SLMAP: variants seen among roughly 807,000 people sequenced by gnomAD.
SLMAP encodes the protein sarcolemma associated protein, also known as sarcolemmal membrane-associated protein.
In SLMAP, 44 loss-of-function variants were observed where a neutral mutation model predicts 128.8. That is an observed-to-expected ratio of 0.34 (90% CI 0.27 to 0.44). SLMAP has a LOEUF of 0.44. Ranked by LOEUF, SLMAP falls within the 20% of genes least tolerant of loss-of-function variation. The pLI is 1.00. For missense variants in SLMAP, 787 were observed against 985.3 expected, an observed-to-expected ratio of 0.80 and a Z score of 2.69; for synonymous variants, 327 against 348.8, an observed-to-expected ratio of 0.94 and a Z score of 0.70.
At chr3:57,818,627 A>G (rs1267718102) in intron 2 of SLMAP, among the ~76,000 whole-genome samples, 1 of 152,230 alleles carries the variant, frequency 6.6e-6, no homozygotes, top group Non-Finnish European at 1.5e-5. Context: ...TTGTCACTGT[A>G]GAATAATTTT....
intron 17 of SLMAP, chr3:57,901,115 A>G (rs1026343604): frequency 5.3e-5 from 8 of 152,222 alleles, no homozygotes; most frequent in African/African-American, 1.2e-4. Context: ...AGTTATACCT[A>G]TTTGGCTGAA....
Position 57,864,568 on chromosome 3 carries a change from G to T in SLMAP, c.987G>T (p.Glu329Asp). Residue 329 changes from glutamate (E) to aspartate (D), a missense_variant, in exon 11 of 25, where the codon GAG (glutamate) becomes GAT (aspartate). Physicochemically the swap from Glu to Asp is conservative, Grantham distance 45. Coordinates refer to ENST00000671191, the MANE Select transcript of SLMAP (RefSeq NM_001377540.1). The stretch of plus-strand genomic sequence containing the variant: ...TCTAGGTAGCAGAGGGAAAACAAGA[G>T]GAAATCCAACAGAAGGGACAGGCTG... Reference protein sequence around the residue: ...DKLKVAEGKQEEIQQKGQAEK... With the variant: ...DKLKVAEGKQDEIQQKGQAEK... The T allele has an allele frequency of 6.4e-7, 1 of 1,571,990 alleles. No homozygotes were observed. Among genetic ancestry groups the T allele is most frequent in the Non-Finnish European group, 8.6e-7 (1 of 1,168,726 alleles).
intron 15 of SLMAP, among the ~76,000 whole-genome samples, chr3:57,892,807 C>CAT (rs2096120691): frequency 1.3e-5 from 2 of 148,336 alleles, no homozygotes; most frequent in East Asian, 4.0e-4. Context: ...CACACACACA[C>CAT]ACATACACAC....
chr3:57,915,168 G>A (rs923346545), intron 21 of SLMAP, among the ~76,000 whole-genome samples: 46 of 152,254 alleles, frequency 3.0e-4, no homozygotes, highest in African/African-American at 1.1e-3. Flanking sequence ...GCCCTCGGCC[G>A]AAAGTATTGA....
intron 14 of SLMAP, among the ~76,000 whole-genome samples, chr3:57,877,019 G>A (rs2095619694): frequency 6.6e-6 from 1 of 152,004 alleles, no homozygotes; most frequent in Admixed American, 6.6e-5. Flanking sequence ...CCCTGAAGTA[G>A]ACCTCATGCC....
In SLMAP at chr3:57,927,457, C is replaced by A; in HGVS notation, c.*168C>A. 2 of 902,228 alleles carry A rather than the reference C, an allele frequency of 2.2e-6. No individual in the cohort carries two copies. The highest frequency in any genetic ancestry group is 1.7e-6 in the Non-Finnish European group (1 of 585,900). 55.9% of individuals were successfully genotyped at this position (902,228 alleles called of 1,614,324 possible). ...GCATCACACTCATGCTGGGGACAAA[C>A]AGAACCATTTTCTTCCTCTTTACCT... On this transcript the variant is annotated 3_prime_UTR_variant, in exon 25 of 25. Transcript: ENST00000671191.
chr3:57,862,563 A>G (rs2095129069), intron 10 of SLMAP, among the ~76,000 whole-genome samples: 1 of 148,800 alleles, frequency 6.7e-6, no homozygotes, highest in Non-Finnish European at 1.5e-5. Flanking sequence ...ACTTGAACCC[A>G]GGAGGCAGAG....
chr3:57,764,501 CAAAAA>C (rs759948558), intron 2 of SLMAP, among the ~76,000 whole-genome samples: 1 of 103,288 alleles, frequency 9.7e-6, no homozygotes, highest in Non-Finnish European at 1.9e-5. Flanking sequence ...GACTGCATCT[CAAAAA>C]AAAAAAGAAA....
intron 22 of SLMAP, among the ~76,000 whole-genome samples, chr3:57,919,060 TATTTA>T (rs1053579784): frequency 4.6e-5 from 7 of 152,208 alleles, no homozygotes; most frequent in Non-Finnish European, 1.5e-5. Context: ...TTTATGTGAA[TATTTA>T]ACAAAGAAAA....
At chr3:57,803,029 C>G (rs935652317) in intron 2 of SLMAP, among the ~76,000 whole-genome samples, 2 of 152,106 alleles carry the variant, frequency 1.3e-5, no homozygotes, top group African/African-American at 2.4e-5. Flanking sequence ...ATGAAAAGTT[C>G]TAAACTATGC....
intron 18 of SLMAP, 148 bp from the exon 19 acceptor site, chr3:57,908,928 G>T: frequency 1.7e-6 from 1 of 585,664 alleles, no homozygotes; most frequent in Non-Finnish European, 3.0e-6. Flanking sequence ...TAAACTAACT[G>T]CTAATACTGA....
intron 21 of SLMAP, among the ~76,000 whole-genome samples, chr3:57,914,605 G>A (rs770001711): frequency 1.3e-5 from 2 of 149,254 alleles, no homozygotes; most frequent in Admixed American, 6.7e-5. Flanking sequence ...TTTTTGAGAC[G>A]GAGTTTTGCT....
intron 13 of SLMAP, among the ~76,000 whole-genome samples, chr3:57,868,045 G>A (rs939488879): frequency 6.6e-6 from 1 of 152,064 alleles, no homozygotes; most frequent in Non-Finnish European, 1.5e-5. Context: ...AGGATTGCTT[G>A]TGTCCAGGAG....
chr3:57,797,123 A>T (rs1471266643), intron 2 of SLMAP, among the ~76,000 whole-genome samples: 1 of 149,398 alleles, frequency 6.7e-6, no homozygotes, highest in Non-Finnish European at 1.5e-5. Context: ...TGGAGGTTAC[A>T]GTGAGCTATG....
At chr3:57,852,500 G>C (rs1189514605) in intron 6 of SLMAP, among the ~76,000 whole-genome samples, 1 of 152,100 alleles carries the variant, frequency 6.6e-6, no homozygotes, top group Non-Finnish European at 1.5e-5. Flanking sequence ...AATGGATATA[G>C]TAATAGCACT....
intron 2 of SLMAP, among the ~76,000 whole-genome samples, chr3:57,788,427 G>A (rs1251266918): frequency 6.6e-6 from 1 of 152,186 alleles, no homozygotes; most frequent in African/African-American, 2.4e-5. Context: ...ACAGTTAGAG[G>A]TAAATTCTTG....
intron 17 of SLMAP, among the ~76,000 whole-genome samples, chr3:57,907,601 T>C (rs1394799212): frequency 2.0e-5 from 3 of 152,238 alleles, no homozygotes; most frequent in African/African-American, 7.2e-5. Flanking sequence ...CAATGAGTTA[T>C]AATCTGTCAC....
At chr3:57,760,660 G>A (rs952211279) in intron 2 of SLMAP, among the ~76,000 whole-genome samples, 3 of 151,906 alleles carry the variant, frequency 2.0e-5, no homozygotes, top group African/African-American at 7.3e-5. Context: ...GTTTGAGGTT[G>A]CAGTGCTGTG....
intron 6 of SLMAP, among the ~76,000 whole-genome samples, chr3:57,854,902 C>G (rs2094695820): frequency 6.6e-6 from 1 of 152,152 alleles, no homozygotes; most frequent in Admixed American, 6.6e-5. Context: ...GAACATTATA[C>G]ATTGTACTTA....
Sources: allele counts gnomAD v4.1 joint callset (sites outside exome capture counted in the v4.1 genomes callset), GRCh38; gene constraint gnomAD v4.1.1; transcripts MANE v1.5; gene names NCBI Gene and HGNC (gene_info 2026-07-23, HGNC 2026-07-21).